The following BBS7 variants were observed in gnomAD, a reference collection of about 807,000 sequenced individuals.
BBS7 encodes BBSome complex member BBS7.
In BBS7, 50 loss-of-function variants were observed where a neutral mutation model predicts 90.3. The observed-to-expected ratio is 0.55, with a 90% CI of 0.44 to 0.70. The LOEUF is 0.70. BBS7 is among the 30% of genes least tolerant of loss of function. The pLI, the probability that BBS7 is intolerant of heterozygous loss-of-function variation, is 0.00. For synonymous variants in BBS7, 235 were observed against 287.4 expected, an observed-to-expected ratio of 0.82 and a Z score of 1.85; for missense variants, 729 against 838.9, an observed-to-expected ratio of 0.87 and a Z score of 1.62.
At chr4:121,852,796 CAAG>C (rs1726390551) in intron 8 of BBS7, among the ~76,000 whole-genome samples, 157 bp downstream of exon 8, 3 of 151,996 alleles carry the variant, frequency 2.0e-5, no homozygotes, top group Admixed American at 2.0e-4. Context: ...TATTCAAACA[CAAG>C]AGAAGTCTAG....
chr4:121,859,684 G>A (rs757936238), intron 4 of BBS7, among the ~76,000 whole-genome samples: 1 of 151,800 alleles, frequency 6.6e-6, no homozygotes, highest in Non-Finnish European at 1.5e-5. Flanking sequence ...TTTTTTGCTC[G>A]AGTTAGCTTT....
rs1726157542 is a variant in BBS7, at chr4:121,848,898, C to G, written c.880G>C (p.Gly294Arg). 6.2e-7 allele frequency: 1 copy of G among 1,613,900 alleles called. No individual in the cohort carries two copies. ...MLSESVTSIQ[G>R]GCVGKDSYDE... ...TAGCTGTCTTTTCCTACACAACCAC[C>G]CTGGATAGATGTGACGCTTTCAGAC... The change falls in exon 9 of 19, where the codon GGT (glycine) becomes CGT (arginine). Residue 294 changes from glycine to arginine, a missense_variant. Transcript: ENST00000264499.
At chr4:121,828,105 GA>G in intron 18 of BBS7, 40 bp downstream of exon 18, 1 of 1,610,118 alleles carries the variant, frequency 6.2e-7, no homozygotes. Context: ...ATAGCCAGTT[GA>G]AAAGAAATAT....
At position 121,855,630 on chromosome 4, in the gene BBS7, C is replaced by A. The variant is rs892621568; in HGVS notation, c.529-69G>T. ...AAATAATAGAGGCATTCATGAATAA[C>A]ATCAATATTCAAATACAGTACTCTT... On this transcript the variant is annotated intron_variant, in intron 5 of 18. Coordinates refer to ENST00000264499, the MANE Select transcript of BBS7 (RefSeq NM_176824.3). 5 of 1,288,652 alleles carry A rather than the reference C, an allele frequency of 3.9e-6. No homozygotes were observed. The African/African-American group carries it at 7.3e-5, about 19-fold the overall frequency. The allele number at this position is 1,288,652 out of a possible 1,614,324, so 79.8% of individuals were successfully genotyped here.
intron 8 of BBS7, among the ~76,000 whole-genome samples, chr4:121,849,738 G>A (rs1726214411): frequency 2.6e-5 from 4 of 152,182 alleles, no homozygotes; most frequent in Admixed American, 1.3e-4. Flanking sequence ...ACTGAGGCAA[G>A]AGAATCACTT....
intron 15 of BBS7, among the ~76,000 whole-genome samples, chr4:121,830,268 G>C (rs1169617739): frequency 6.6e-6 from 1 of 152,200 alleles, no homozygotes; most frequent in Non-Finnish European, 1.5e-5. Context: ...AGGCGTGGTA[G>C]CACACTCCTA....
Position 121,859,480 on chromosome 4 carries a change from C to T in BBS7, c.342-302G>A, listed in dbSNP as rs993574618. ...TGTCTATATCCAAAGACAATTAATA[C>T]ATCAAAAAATGACTTCTTTGTGTAC... is the stretch of plus-strand genomic sequence containing the variant. On this transcript the variant is annotated intron_variant, in intron 4 of 18. Transcript: ENST00000264499. Among the ~76,000 whole-genome samples the T allele has an allele frequency of 2.0e-5, 3 of 152,166 alleles. No individual in the cohort carries two copies. In the South Asian group the frequency reaches 6.2e-4, roughly 32 times the overall value.
In BBS7 at chr4:121,868,097, A is replaced by G. The variant is rs1727384236; in HGVS notation, c.37-51T>C. 8 of 1,438,984 alleles carry G rather than the reference A, an allele frequency of 5.6e-6. No individual in the cohort carries two copies. In the East Asian group the frequency reaches 1.8e-4, roughly 33 times the overall value. 89.1% of individuals were successfully genotyped at this position (1,438,984 alleles called of 1,614,324 possible). On this transcript the variant is annotated intron_variant, in intron 1 of 18. Coordinates refer to ENST00000264499, the MANE Select transcript of BBS7 (RefSeq NM_176824.3). ...TGAATTTAATTTGAAGTTATTACAG[A>G]GATTAAAATAAGTTATAGTGAACCT...
chr4:121,826,498 TG>T (rs1724913366), intron 18 of BBS7, among the ~76,000 whole-genome samples: 2 of 152,232 alleles, frequency 1.3e-5, no homozygotes, highest in Non-Finnish European at 2.9e-5. Context: ...TAATTCAAGC[TG>T]TCAATCCTTT....
intron 9 of BBS7, 89 bp from the exon 10 acceptor site, chr4:121,847,595 A>G: frequency 1.1e-6 from 1 of 910,364 alleles, no homozygotes; most frequent in Non-Finnish European, 1.8e-6. Flanking sequence ...ACTCCAATGT[A>G]CATGCCCCTT....
chr4:121,847,358 C>T (rs754461488), intron 10 of BBS7, 46 bp downstream of exon 10: 3 of 1,254,894 alleles, frequency 2.4e-6, no homozygotes, highest in Admixed American at 1.7e-5. Flanking sequence ...AACAACCACA[C>T]ACTTCATGAG....
In BBS7 at chr4:121,854,816, G is replaced by A; in HGVS notation, c.606C>T (p.Asp202=). ...VLALHNGNGG[D]SGEDLLFGTS... ...TCCCAAACAAAAGGTCTTCTCCAGA[G>A]TCACCTACTTATAATTAAAGTCAAC... The change falls in exon 7 of 19, where the codon GAC becomes GAT. Residue 202 remains aspartate, a synonymous_variant. Coordinates refer to ENST00000264499, the MANE Select transcript of BBS7 (RefSeq NM_176824.3). 6.2e-7 allele frequency: 1 copy of A among 1,611,014 alleles called. No homozygotes were observed. The highest frequency in any genetic ancestry group is 2.2e-5 in the East Asian group (1 of 44,726).
At chr4:121,866,729 G>C (rs1727297478) in intron 2 of BBS7, among the ~76,000 whole-genome samples, 1 of 152,164 alleles carries the variant, frequency 6.6e-6, no homozygotes, top group Non-Finnish European at 1.5e-5. Context: ...TCAAAAATCA[G>C]TTGGTTGTAG....
At chr4:121,865,394 GTGCC>G (rs1727211090) in intron 2 of BBS7, among the ~76,000 whole-genome samples, 1 of 151,856 alleles carries the variant, frequency 6.6e-6, no homozygotes, top group Admixed American at 6.6e-5. Flanking sequence ...GCCTGCCATC[GTGCC>G]TGGCTAATTT....
At chr4:121,858,681 A>G (rs1437481129) in intron 5 of BBS7, 6 of 266,916 alleles carry the variant, frequency 2.2e-5, no homozygotes, top group Non-Finnish European at 2.9e-5. Flanking sequence ...TGATGGAAGA[A>G]GAAAACAAAA....
At chr4:121,847,285 TAAAC>T (rs1419990119) in intron 10 of BBS7, 115 bp downstream of exon 10, 2 of 685,650 alleles carry the variant, frequency 2.9e-6, no homozygotes, top group Non-Finnish European at 5.0e-6. Flanking sequence ...TAAAAGGTGA[TAAAC>T]TAATTAATTA....
At chr4:121,854,572 T>A in intron 7 of BBS7, 132 bp downstream of exon 7, 4 of 828,390 alleles carry the variant, frequency 4.8e-6, no homozygotes, top group Non-Finnish European at 6.9e-6. Context: ...AATAAACAAA[T>A]AGTAGATAAA....
At chr4:121,844,076 G>C in intron 11 of BBS7, 75 bp from the exon 12 acceptor site, 1 of 923,810 alleles carries the variant, frequency 1.1e-6, no homozygotes, top group South Asian at 1.5e-5. Flanking sequence ...TTTTCTCTAA[G>C]AGTTCTCCTT....
At chr4:121,845,267 C>T (rs1175495079) in intron 11 of BBS7, among the ~76,000 whole-genome samples, 3 of 151,954 alleles carry the variant, frequency 2.0e-5, no homozygotes, top group Non-Finnish European at 4.4e-5. Flanking sequence ...ACTCGGGAGG[C>T]TGAGGCAGGA....
Sources: gnomAD v4.1 joint callset for allele counts (sites outside exome capture counted in the v4.1 genomes callset) on GRCh38, gnomAD v4.1.1 for gene constraint, MANE v1.5 for transcripts, NCBI Gene and HGNC (gene_info 2026-07-23, HGNC 2026-07-21) for gene names.